Variants in CMC2 observed in about 807,000 individuals in gnomAD.
CMC2 encodes COX assembly mitochondrial protein 2 homolog.
A neutral mutation model predicts 7.5 loss-of-function variants in CMC2; 5 were observed. The ratio of observed to expected loss-of-function variants is 0.66; its 90% CI spans 0.35 to 1.40. The LOEUF (loss-of-function observed/expected upper bound fraction) is 1.40. CMC2 is among the 40% of genes most tolerant of loss of function. The probability of loss-of-function intolerance (pLI) is 0.04; values close to 1 mark genes in which losing one functional copy is unlikely to be tolerated. For missense variants in CMC2, 115 were observed against 92.3 expected (o/e 1.25, Z -1.01); for synonymous variants, 37 against 31.4 (o/e 1.18, Z -0.60).
At chr16:80,999,620 C>G (rs184806156) in intron 1 of CMC2, among the ~76,000 whole-genome samples, 1 of 152,220 alleles carries the variant, frequency 6.6e-6, no homozygotes, top group East Asian at 1.9e-4. Flanking sequence ...GAATCCTAAG[C>G]AAAAAGAACA....
intron 2 of CMC2, chr16:80,982,260 T>C (rs1250925443): frequency 6.4e-6 from 1 of 156,232 alleles, no homozygotes; most frequent in East Asian, 1.9e-4. Context: ...ATTCCAGCAC[T>C]TTGGGAGGCC....
intron 1 of CMC2, among the ~76,000 whole-genome samples, chr16:80,999,530 C>T (rs1161384295): frequency 6.6e-6 from 1 of 151,438 alleles, no homozygotes; most frequent in African/African-American, 2.4e-5. Flanking sequence ...TATCAAACTA[C>T]CAATGGCATT....
At position 80,968,476 on chromosome 16, in the gene CMC2, A is replaced by G. The variant is rs1414867919; in HGVS notation, c.*7617T>C. On this transcript the variant is annotated 3_prime_UTR_variant, in exon 4 of 4. Transcript: ENST00000219400. ...CAGATGAAGATGAAGGTCTCTGAAC[A>G]GAAGATGCTCTTATAACTCCTCTCT... 6.6e-6 allele frequency: 1 copy of G among 152,240 alleles called. No homozygotes were observed. The highest frequency in any genetic ancestry group is 1.5e-5 in the Non-Finnish European group (1 of 68,060). 9.4% of individuals were successfully genotyped at this position (152,240 alleles called of 1,614,324 possible). A position where few individuals can be genotyped will look rare whatever the true frequency, so the allele number is the denominator to read the frequency against.
rs1285986803 is a variant in CMC2 at position 80,968,108 on chromosome 16, C to T, written c.*7985G>A. ...GTAGGCATTTTATGGAAGGCAGTTA[C>T]ATCAGAAAGAGTCTAAGTCAATGCT... On this transcript the variant is annotated 3_prime_UTR_variant, in exon 4 of 4. Transcript: ENST00000219400. The T allele has an allele frequency of 1.3e-5, 2 of 152,170 alleles. No individual in the cohort carries two copies. Among genetic ancestry groups the T allele is most frequent in the African/African-American group, 4.8e-5 (2 of 41,438 alleles). The allele number at this position is 152,170 out of a possible 1,614,324, so 9.4% of individuals were successfully genotyped here. A position where few individuals can be genotyped will look rare whatever the true frequency, so the allele number is the denominator to read the frequency against.
chr16:81,000,389 G>C (rs1013626349), intron 1 of CMC2, among the ~76,000 whole-genome samples: 1 of 152,106 alleles, frequency 6.6e-6, no homozygotes, highest in African/African-American at 2.4e-5. Flanking sequence ...CCAGCTACTC[G>C]AGAGGCTGAG....
At chr16:80,994,146 G>A (rs150025646) in intron 2 of CMC2, among the ~76,000 whole-genome samples, 5 of 152,106 alleles carry the variant, frequency 3.3e-5, no homozygotes, top group Non-Finnish European at 5.9e-5. Flanking sequence ...CTACCCACAG[G>A]CAAAGAAAAT....
At chr16:81,003,138 G>A (rs1420132515) in intron 1 of CMC2, among the ~76,000 whole-genome samples, 1 of 152,144 alleles carries the variant, frequency 6.6e-6, no homozygotes, top group African/African-American at 2.4e-5. Flanking sequence ...CTGTATTCTG[G>A]GGTGTAATAT....
intron 1 of CMC2, 145 bp downstream of exon 1, chr16:81,006,589 T>C (rs1168580794): frequency 8.7e-5 from 44 of 508,226 alleles, no homozygotes; most frequent in Non-Finnish European, 1.0e-4. Flanking sequence ...GCAGCCCGGC[T>C]GTGGGCCTGC....
At chr16:80,998,767 C>G (rs1449240349) in intron 1 of CMC2, 1 of 151,950 alleles carries the variant, frequency 6.6e-6, no homozygotes, top group East Asian at 1.9e-4. Context: ...ATAAGCCAGT[C>G]AAAAAACATA....
At chr16:80,988,455 A>T (rs954369703) in intron 2 of CMC2, 28 of 659,346 alleles carry the variant, frequency 4.2e-5, no homozygotes, top group African/African-American at 2.2e-4. Context: ...TCAATTTCAA[A>T]CTTGAAGAAA....
intron 2 of CMC2, among the ~76,000 whole-genome samples, chr16:80,992,613 A>G (rs1309499735): frequency 1.3e-5 from 2 of 149,990 alleles, no homozygotes; most frequent in East Asian, 3.9e-4. Context: ...ACATCTTCTC[A>G]TGTTTAAAGG....
chr16:80,997,278 C>G, intron 2 of CMC2, 36 bp downstream of exon 2: 1 of 1,168,828 alleles, frequency 8.6e-7, no homozygotes. Context: ...AACTAAGTTT[C>G]ATTTTGGCTG....
At chr16:80,992,690 C>G (rs572491242) in intron 2 of CMC2, among the ~76,000 whole-genome samples, 2 of 139,910 alleles carry the variant, frequency 1.4e-5, no homozygotes, top group Non-Finnish European at 3.0e-5. Flanking sequence ...GATTTTTGGC[C>G]TCTTATTCCC....
rs778193287 is a variant in CMC2 at position 80,971,584 on chromosome 16, A to ATATGTG, written c.*4508_*4509insCACATA. 190 of 139,576 alleles carry ATATGTG rather than the reference A, an allele frequency of 1.4e-3. 2 individuals are homozygous for ATATGTG. In the East Asian group the frequency reaches 0.019, roughly 14 times the overall value. 8.6% of individuals were successfully genotyped at this position (139,576 alleles called of 1,614,324 possible). The stretch of plus-strand genomic sequence containing the variant: ...ACATTTTATATATATATATATATAT[A>ATATGTG]TGTATGAAATCATGCATATATATAT... On this transcript the variant is annotated 3_prime_UTR_variant, in exon 4 of 4. Transcript: ENST00000219400.
chr16:80,976,611 G>T (rs530033759), intron 3 of CMC2, among the ~76,000 whole-genome samples: 1 of 152,178 alleles, frequency 6.6e-6, no homozygotes, highest in African/African-American at 2.4e-5. Context: ...CTGTCTAACT[G>T]TTGGGACAAT....
intron 3 of CMC2, among the ~76,000 whole-genome samples, chr16:80,980,343 G>A (rs1967029135): frequency 4.9e-5 from 1 of 20,340 alleles, no homozygotes. Flanking sequence ...CATGTCTGTA[G>A]TCCCAGCACT....
rs759546954 is a variant in CMC2 at position 80,976,058 on chromosome 16, C to A, written c.*35G>T. ...AGGTATCAACCCAGAGTCTTTAGGT[C>A]TTCTCTCAGCCAAGGCATCGAGTGA... On this transcript the variant is annotated 3_prime_UTR_variant, in exon 4 of 4. Coordinates refer to ENST00000219400, the MANE Select transcript of CMC2 (RefSeq NM_020188.5). 2.4e-6 allele frequency: 3 copies of A among 1,229,876 alleles called. No individual in the cohort carries two copies. The highest frequency in any genetic ancestry group is 2.4e-5 in the South Asian group (2 of 83,048). 76.2% of individuals were successfully genotyped at this position (1,229,876 alleles called of 1,614,324 possible).
chr16:80,979,075 T>C (rs1274646263), intron 3 of CMC2, among the ~76,000 whole-genome samples: 9 of 149,548 alleles, frequency 6.0e-5, no homozygotes, highest in Admixed American at 3.3e-4. Context: ...AGTGAGACTC[T>C]GGCAAAAAAA....
intron 2 of CMC2, chr16:80,991,775 AC>A (rs1435660630): frequency 1.5e-5 from 5 of 339,040 alleles, no homozygotes; most frequent in African/African-American, 1.1e-4. Context: ...TCATCCGAAA[AC>A]ACATGATCCC....
Sources: gnomAD v4.1 joint callset for allele counts (sites outside exome capture counted in the v4.1 genomes callset) on GRCh38, gnomAD v4.1.1 for gene constraint, MANE v1.5 for transcripts, NCBI Gene and HGNC (gene_info 2026-07-23, HGNC 2026-07-21) for gene names.